DTNB: variants seen among roughly 807,000 people sequenced by gnomAD.
The protein encoded by DTNB is DTN-B.
In DTNB, 63 loss-of-function variants were observed where a neutral mutation model predicts 90.7. The ratio of observed to expected loss-of-function variants is 0.69; its 90% confidence interval spans 0.57 to 0.86. The LOEUF is 0.86. Among genes scored for constraint, DTNB ranks in the 40% least tolerant of loss-of-function variants. The probability of loss-of-function intolerance (pLI) is 0.00; values close to 1 mark genes in which losing one functional copy is unlikely to be tolerated. For synonymous variants in DTNB, 277 were observed against 286.7 expected (o/e 0.97, Z 0.34); for missense variants, 744 against 807.1 (o/e 0.92, Z 0.95).
intron 9 of DTNB, among the ~76,000 whole-genome samples, chr2:25,521,715 G>A (rs934479305): frequency 1.3e-5 from 2 of 152,132 alleles, no homozygotes; most frequent in African/African-American, 4.8e-5. Context: ...GGACACTGAC[G>A]TGATTTTCAT....
At chr2:25,592,218 A>AT (rs879856820) in intron 6 of DTNB, among the ~76,000 whole-genome samples, 32 of 151,896 alleles carry the variant, frequency 2.1e-4, no homozygotes, top group South Asian at 4.2e-4. Flanking sequence ...CTTTTCCCCA[A>AT]TTTTTTTTAA....
chr2:25,554,033 A>T (rs556993334), intron 8 of DTNB, among the ~76,000 whole-genome samples: 1 of 152,320 alleles, frequency 6.6e-6, no homozygotes, highest in East Asian at 1.9e-4. Context: ...ATATAAATTT[A>T]TGGTTCCATA....
At chr2:25,526,395 A>ATATATATATATATATTTTTT in intron 9 of DTNB, among the ~76,000 whole-genome samples, 1 of 49,824 alleles carries the variant, frequency 2.0e-5, no homozygotes, top group African/African-American at 9.8e-5. Flanking sequence ...ATATATATAT[A>ATATATATATATATATTTTTT]TTTTTTTTTT....
At chr2:25,653,684 G>A (rs1046050032) in intron 1 of DTNB, among the ~76,000 whole-genome samples, 2 of 151,782 alleles carry the variant, frequency 1.3e-5, no homozygotes, top group African/African-American at 4.8e-5. Context: ...GCTAATTTTT[G>A]TATTTTTAGT....
At chr2:25,624,468 G>C (rs1012883390) in intron 4 of DTNB, among the ~76,000 whole-genome samples, 12 of 152,278 alleles carry the variant, frequency 7.9e-5, no homozygotes, top group Non-Finnish European at 1.5e-4. Context: ...CCTAAGGATG[G>C]AGCTGATACA....
chr2:25,607,460 ATT>A (rs796410941), intron 4 of DTNB, 139 bp from the exon 5 acceptor site: 88 of 627,350 alleles, frequency 1.4e-4, no homozygotes, highest in South Asian at 3.6e-4. Context: ...GAAACCCTGG[ATT>A]TTTTTTTTTT....
chr2:25,631,719 G>C (rs1177632929), intron 3 of DTNB, among the ~76,000 whole-genome samples: 1 of 152,004 alleles, frequency 6.6e-6, no homozygotes. Context: ...AAGCTTAGTG[G>C]GAGATATTAA....
intron 7 of DTNB, among the ~76,000 whole-genome samples, chr2:25,578,310 C>T (rs774245874): frequency 1.3e-5 from 2 of 152,184 alleles, no homozygotes; most frequent in Non-Finnish European, 2.9e-5. Context: ...CAAGGTATTT[C>T]TATGGAATGC....
chr2:25,649,043 C>T (rs1225580136), intron 2 of DTNB, among the ~76,000 whole-genome samples: 5 of 123,726 alleles, frequency 4.0e-5, no homozygotes, highest in South Asian at 5.2e-4. Context: ...CTCGCTCTGT[C>T]GCCCAGGCTG....
At chr2:25,404,055 AG>A (rs2044409555) in intron 16 of DTNB, among the ~76,000 whole-genome samples, 1 of 152,212 alleles carries the variant, frequency 6.6e-6, no homozygotes, top group Admixed American at 6.5e-5. Context: ...TCTACCTCAC[AG>A]GTTGGTGAGG....
intron 2 of DTNB, among the ~76,000 whole-genome samples, chr2:25,645,766 G>T (rs2079305013): frequency 6.6e-6 from 1 of 151,850 alleles, no homozygotes; most frequent in African/African-American, 2.4e-5. Context: ...TACTAAAAAT[G>T]GTATAAATTT....
intron 4 of DTNB, among the ~76,000 whole-genome samples, chr2:25,621,633 T>TTTTG: frequency 6.8e-6 from 1 of 147,430 alleles, no homozygotes; most frequent in Admixed American, 6.8e-5. Flanking sequence ...TTTTTTTTTT[T>TTTTG]TTTAGTAGAG....
intron 2 of DTNB, among the ~76,000 whole-genome samples, chr2:25,647,268 C>T (rs1229842443): frequency 6.6e-6 from 1 of 152,094 alleles, no homozygotes; most frequent in Non-Finnish European, 1.5e-5. Flanking sequence ...AATTAAAGTT[C>T]TAAAAGCTAA....
At chr2:25,471,335 C>T (rs2062768892) in intron 10 of DTNB, among the ~76,000 whole-genome samples, 2 of 151,092 alleles carry the variant, frequency 1.3e-5, no homozygotes, top group Non-Finnish European at 2.9e-5. Context: ...AGTCGTGATG[C>T]TATCTAAATT....
intron 9 of DTNB, among the ~76,000 whole-genome samples, chr2:25,494,308 T>C (rs1462414073): frequency 6.6e-6 from 1 of 152,196 alleles, no homozygotes; most frequent in African/African-American, 2.4e-5. Flanking sequence ...ATAGATCAAA[T>C]CCACAAACAC....
chr2:25,439,548 GTAC>G (rs2056869698), intron 12 of DTNB, among the ~76,000 whole-genome samples: 3 of 151,856 alleles, frequency 2.0e-5, no homozygotes, highest in Admixed American at 2.0e-4. Context: ...AGAACTCTCT[GTAC>G]TATCTTTGAA....
intron 10 of DTNB, among the ~76,000 whole-genome samples, chr2:25,467,069 G>A (rs1288082993): frequency 1.3e-5 from 2 of 152,104 alleles, no homozygotes; most frequent in Non-Finnish European, 2.9e-5. Context: ...CTGAATAAGT[G>A]TATTATACTC....
chr2:25,508,827 C>A (rs1003774472), intron 9 of DTNB, among the ~76,000 whole-genome samples: 2 of 152,230 alleles, frequency 1.3e-5, no homozygotes, highest in African/African-American at 4.8e-5. Flanking sequence ...AGCCACTGCA[C>A]CCGGCCCTAA....
chr2:25,450,493 C>T (rs540929934), intron 12 of DTNB, among the ~76,000 whole-genome samples: 3 of 152,146 alleles, frequency 2.0e-5, no homozygotes, highest in Non-Finnish European at 4.4e-5. Flanking sequence ...AGTCTGCCAA[C>T]TTTGTTTTTC....
Sources: allele counts gnomAD v4.1 joint callset (sites outside exome capture counted in the v4.1 genomes callset), GRCh38; gene constraint gnomAD v4.1.1; transcripts MANE v1.5; gene names NCBI Gene and HGNC (gene_info 2026-07-23, HGNC 2026-07-21).